The following NBPF15 variants were observed in gnomAD, a reference collection of about 807,000 sequenced individuals.
The protein encoded by NBPF15 is NBPF member 15.
A neutral mutation model predicts 62.2 loss-of-function variants in NBPF15; 74 were observed. That is an observed-to-expected ratio of 1.19 (90% CI 0.99 to 1.44). The LOEUF (loss-of-function observed/expected upper bound fraction) is 1.44, where lower values mean the gene tolerates loss of function less well. Ranked by LOEUF, NBPF15 falls within the 40% of genes most tolerant of loss-of-function variation. The pLI is 0.00. For missense variants in NBPF15, 790 were observed against 550.0 expected (o/e 1.44, Z -4.36); for synonymous variants, 244 against 209.7 (o/e 1.16, Z -1.41).
At chr1:144,428,558 C>G (rs1253277279) in intron 15 of NBPF15, 48 bp downstream of exon 15, 1 of 725,756 alleles carries the variant, frequency 1.4e-6, no homozygotes, top group Non-Finnish European at 2.5e-6. Flanking sequence ...GACTTGGCAT[C>G]TCCAGGTGTC....
At position 144,422,970 on chromosome 1, in the gene NBPF15, T is replaced by C. The variant is rs587690425; in HGVS notation, c.*43A>G. 1.2e-6 allele frequency: 2 copies of C among 1,611,614 alleles called. No homozygotes were observed. Among genetic ancestry groups the C allele is most frequent in the Middle Eastern group, 2.3e-4 (1 of 4,430 alleles). ...ATTCAAATCTTCTCGTGCCTATAGGTCCTGCCTGCAGGAATGACATCTCTC... is the reference window on the plus strand; with the variant it reads ...ATTCAAATCTTCTCGTGCCTATAGGCCCTGCCTGCAGGAATGACATCTCTC... On this transcript the variant is annotated 3_prime_UTR_variant, in exon 22 of 22. Coordinates refer to ENST00000581897, the MANE Select transcript of NBPF15 (RefSeq NM_001385408.1).
At chr1:144,432,371 C>T (rs1449028348) in intron 13 of NBPF15, among the ~76,000 whole-genome samples, 2 of 151,896 alleles carry the variant, frequency 1.3e-5, no homozygotes, top group Non-Finnish European at 2.9e-5. Flanking sequence ...ACTGTAAAGA[C>T]CATTGACGCT....
intron 4 of NBPF15, among the ~76,000 whole-genome samples, chr1:144,455,641 C>T (rs1344356026): frequency 6.6e-6 from 1 of 152,014 alleles, no homozygotes; most frequent in African/African-American, 2.4e-5. Context: ...GGCCTCAGCC[C>T]CTGGGTCTGA....
intron 13 of NBPF15, among the ~76,000 whole-genome samples, chr1:144,432,615 T>C (rs1355652007): frequency 2.0e-5 from 3 of 151,702 alleles, no homozygotes; most frequent in African/African-American, 2.4e-5. Context: ...TGGAGGAAGA[T>C]CTACCAAGCA....
rs1378765473 is a variant in NBPF15 at position 144,452,251 on chromosome 1, TC to T, written c.-431-1382del. On this transcript the variant is annotated intron_variant, in intron 4 of 21. Coordinates refer to ENST00000581897, the MANE Select transcript of NBPF15 (RefSeq NM_001385408.1). ...ATTTTAATAGTAGATTTTTAAAAAT[TC>T]TTTTTCTTGTGCTCACCAGACAAGG... 1.3e-5 allele frequency among the ~76,000 whole-genome samples: 2 copies of T among 152,038 alleles called. 1 individual carries two copies. Among genetic ancestry groups the T allele is most frequent in the Non-Finnish European group, 2.9e-5 (2 of 67,990 alleles).
intron 17 of NBPF15, 61 bp from the exon 18 acceptor site, chr1:144,426,511 G>A (rs1669760075): frequency 3.8e-6 from 3 of 781,252 alleles, no homozygotes; most frequent in Non-Finnish European, 7.1e-6. Flanking sequence ...CACAGCCCCA[G>A]CTAGATTTCA....
At chr1:144,447,613 G>A (rs1402196915) in intron 6 of NBPF15, among the ~76,000 whole-genome samples, 3 of 151,882 alleles carry the variant, frequency 2.0e-5, no homozygotes, top group Non-Finnish European at 4.4e-5. Flanking sequence ...TGGGAAGGAG[G>A]AGGGGATGTT....
Position 144,436,977 on chromosome 1 carries a change from G to T in NBPF15, c.411C>A (p.Asp137Glu), listed in dbSNP as rs1253401347. Residue 137 changes from aspartate (D) to glutamate (E), a missense_variant, in exon 10 of 22, where the codon GAC becomes GAA. Coordinates refer to ENST00000581897, the MANE Select transcript of NBPF15 (RefSeq NM_001385408.1). ...CTTGGAGGTCCTGCCCCTGGGACTTGTCCGGCTCATCCGGAGTGAGGAGGG... is the reference window on the plus strand; with the variant it reads ...CTTGGAGGTCCTGCCCCTGGGACTTTTCCGGCTCATCCGGAGTGAGGAGGG... ...LQALLTPDEP[D>E]KSQGQDLQEQ... is the part of the protein sequence containing the mutation. 6 of 1,600,294 alleles carry T rather than the reference G, an allele frequency of 3.7e-6. No homozygotes were observed. The highest frequency in any genetic ancestry group is 2.7e-5 in the African/African-American group (2 of 74,682).
intron 6 of NBPF15, among the ~76,000 whole-genome samples, chr1:144,447,526 G>A (rs1688450504): frequency 6.6e-6 from 1 of 151,802 alleles, no homozygotes; most frequent in Non-Finnish European, 1.5e-5. Flanking sequence ...GCACACAGGG[G>A]AGCCAGGGAT....
At position 144,423,200 on chromosome 1, in the gene NBPF15, T is replaced by A. The variant is rs781847674; in HGVS notation, c.1826A>T (p.Asp609Val). Residue 609 changes from aspartate (D) to valine (V), a missense_variant, in exon 22 of 22, where the codon GAT (aspartate) becomes GTT (valine). Transcript: ENST00000581897. ...EEPEVLQDSLDRCYSTPSMYF... is the reference protein window; with the variant it reads ...EEPEVLQDSLVRCYSTPSMYF... Reference sequence around the variant, plus strand: ...CATTGACGGAGTCGAATAACATCTATCCAGTGAGTCCTGTAAGACTTCAGG... The same window carrying A: ...CATTGACGGAGTCGAATAACATCTAACCAGTGAGTCCTGTAAGACTTCAGG... 40 of 1,611,434 alleles carry A rather than the reference T, an allele frequency of 2.5e-5. No individual in the cohort carries two copies. The highest frequency in any genetic ancestry group is 3.1e-5 in the Non-Finnish European group (37 of 1,179,592).
chr1:144,445,897 C>T (rs1268815095), intron 6 of NBPF15, among the ~76,000 whole-genome samples: 7 of 137,856 alleles, frequency 5.1e-5, no homozygotes, highest in Admixed American at 3.0e-4. Context: ...TGCTCTGTTA[C>T]CCAGGCTGGA....
rs1179128269 is a variant in NBPF15, at chr1:144,424,336, C to A, written c.1663+354G>T. 2.1e-3 allele frequency among the ~76,000 whole-genome samples: 320 copies of A among 151,508 alleles called. 2 individuals carry two copies. Among genetic ancestry groups the A allele is most frequent in the African/African-American group, 7.5e-3 (309 of 41,372 alleles). On this transcript the variant is annotated intron_variant, in intron 20 of 21. Coordinates refer to ENST00000581897, the MANE Select transcript of NBPF15 (RefSeq NM_001385408.1). The stretch of plus-strand genomic sequence containing the variant: ...TGTCTCATCAAATACTCAGATTGTT[C>A]ATGGTTGTGAGGACTTTAGACACTG...
intron 13 of NBPF15, among the ~76,000 whole-genome samples, chr1:144,430,397 G>C (rs587630745): frequency 1.3e-5 from 2 of 151,446 alleles, no homozygotes; most frequent in African/African-American, 4.9e-5. Flanking sequence ...AAACACATGG[G>C]AGAGAATAGG....
intron 20 of NBPF15, 92 bp downstream of exon 20, chr1:144,424,598 T>C: frequency 3.0e-6 from 2 of 657,858 alleles, no homozygotes; most frequent in African/African-American, 1.8e-5. Context: ...CAATGACATC[T>C]CTCAGCTCAG....
At chr1:144,436,657 GC>G (rs1678643295) in intron 10 of NBPF15, among the ~76,000 whole-genome samples, 1 of 151,972 alleles carries the variant, frequency 6.6e-6, no homozygotes, top group South Asian at 2.1e-4. Context: ...GACAGATGCT[GC>G]CTCATACTCC....
chr1:144,441,087 G>A (rs1407593147), intron 6 of NBPF15, among the ~76,000 whole-genome samples: 130 of 151,942 alleles, frequency 8.6e-4, no homozygotes, highest in Non-Finnish European at 1.7e-3. Context: ...CACACAATTT[G>A]ATATCCATTT....
At chr1:144,454,882 G>T (rs1452438023) in intron 4 of NBPF15, among the ~76,000 whole-genome samples, 1 of 148,084 alleles carries the variant, frequency 6.8e-6, no homozygotes, top group Non-Finnish European at 1.5e-5. Flanking sequence ...GGAGGAGGAG[G>T]CTGGGAGGAC....
At chr1:144,423,676 G>T (rs1441744102) in intron 21 of NBPF15, among the ~76,000 whole-genome samples, 194 bp downstream of exon 21, 1 of 151,894 alleles carries the variant, frequency 6.6e-6, no homozygotes, top group Non-Finnish European at 1.5e-5. Flanking sequence ...GTCAACCTAT[G>T]GTACGTTAGT....
chr1:144,431,283 A>G (rs1674046945), intron 13 of NBPF15, among the ~76,000 whole-genome samples: 1 of 150,720 alleles, frequency 6.6e-6, no homozygotes, highest in African/African-American at 2.5e-5. Context: ...CAGATTCACC[A>G]AGGTTGAAAT....
Sources: gnomAD v4.1 joint callset for allele counts (sites outside exome capture counted in the v4.1 genomes callset) on GRCh38, gnomAD v4.1.1 for gene constraint, MANE v1.5 for transcripts, NCBI Gene and HGNC (gene_info 2026-07-23, HGNC 2026-07-21) for gene names.